Variants in MTA3 observed in about 807,000 individuals in gnomAD.
MTA3 encodes metastasis associated 1 family member 3, also known as metastasis-associated protein MTA3.
In MTA3, 34 loss-of-function variants were observed where a neutral mutation model predicts 83.5. That is an observed-to-expected ratio of 0.41 (90% CI 0.31 to 0.54). The LOEUF (loss-of-function observed/expected upper bound fraction) is 0.54. MTA3 is among the 20% of genes least tolerant of loss of function. The probability of loss-of-function intolerance (pLI) is 0.33; values close to 1 mark genes in which losing one functional copy is unlikely to be tolerated. For missense variants in MTA3, 761 were observed against 726.4 expected (o/e 1.05, Z -0.55); for synonymous variants, 303 against 252.7 (o/e 1.20, Z -1.89).
chr2:42,722,074 C>T (rs989888257), intron 15 of MTA3, among the ~76,000 whole-genome samples: 2 of 152,056 alleles, frequency 1.3e-5, no homozygotes, highest in Non-Finnish European at 2.9e-5. Flanking sequence ...GGCAGGGTGG[C>T]TTGTGTGTAG....
At chr2:42,720,304 T>C (rs770264170) in intron 15 of MTA3, among the ~76,000 whole-genome samples, 1 of 152,112 alleles carries the variant, frequency 6.6e-6, no homozygotes, top group Non-Finnish European at 1.5e-5. Flanking sequence ...TGCCTCAGCC[T>C]CCTGAGTAGG....
intron 4 of MTA3, among the ~76,000 whole-genome samples, chr2:42,635,881 A>G (rs1023687504): frequency 4.0e-5 from 6 of 151,732 alleles, no homozygotes; most frequent in African/African-American, 1.5e-4. Context: ...TTCTTGTGCC[A>G]CAGCCTCCGC....
At chr2:42,544,960 T>G (rs2103756364) in intron 2 of MTA3, among the ~76,000 whole-genome samples, 1 of 152,320 alleles carries the variant, frequency 6.6e-6, no homozygotes, top group East Asian at 1.9e-4. Context: ...TATCTGACCT[T>G]AAACAGCCCA....
chr2:42,722,786 C>G, intron 15 of MTA3, 103 bp from the exon 16 acceptor site: 1 of 1,350,192 alleles, frequency 7.4e-7, no homozygotes, highest in Non-Finnish European at 1.0e-6. Context: ...GGAACTGACT[C>G]TCAGCTCATT....
At chr2:42,681,779 G>A (rs1691942431) in intron 8 of MTA3, among the ~76,000 whole-genome samples, 1 of 152,014 alleles carries the variant, frequency 6.6e-6, no homozygotes, top group Non-Finnish European at 1.5e-5. Context: ...TCAAAGCGCT[G>A]GGATTACAGG....
intron 4 of MTA3, among the ~76,000 whole-genome samples, chr2:42,617,285 T>C (rs1685016116): frequency 6.6e-6 from 1 of 152,156 alleles, no homozygotes. Context: ...CAATTCTGCT[T>C]TTAGGACTTG....
At chr2:42,538,195 T>G (rs1371135154) in intron 2 of MTA3, among the ~76,000 whole-genome samples, 1 of 152,116 alleles carries the variant, frequency 6.6e-6, no homozygotes, top group South Asian at 2.1e-4. Context: ...ATCACGCCAC[T>G]GGACTCCAGC....
intron 2 of MTA3, among the ~76,000 whole-genome samples, chr2:42,570,742 G>T (rs530267492): frequency 2.0e-5 from 3 of 152,086 alleles, no homozygotes; most frequent in South Asian, 2.1e-4. Flanking sequence ...TGGGTGCGGT[G>T]GCTCATGCCT....
At chr2:42,534,108 G>A (rs1240379354) in intron 2 of MTA3, among the ~76,000 whole-genome samples, 2 of 152,056 alleles carry the variant, frequency 1.3e-5, no homozygotes, top group East Asian at 3.9e-4. Context: ...CTCAGAAGCA[G>A]CTGAAATGGA....
In MTA3 at chr2:42,644,244, G is replaced by A. The variant is rs1687954370; in HGVS notation, c.499G>A (p.Gly167Arg). 6.3e-7 allele frequency: 1 copy of A among 1,598,068 alleles called. No homozygotes were observed. The highest frequency in any genetic ancestry group is 8.5e-7 in the Non-Finnish European group (1 of 1,170,094). Residue 167 changes from glycine (G) to arginine (R), a missense_variant and splice_region_variant, in exon 6 of 17, where the codon GGA becomes AGA. Physicochemically the swap from Gly to Arg is moderately radical, Grantham distance 125. Coordinates refer to ENST00000405094, the MANE Select transcript of MTA3 (RefSeq NM_001330442.2). Reference sequence around the variant, plus strand: ...AGACATTCCAGAAATGCTGTTAGAAGGTACGTTTTTCTGCGTGTTTGCAGT... The same window carrying A: ...AGACATTCCAGAAATGCTGTTAGAAAGTACGTTTTTCTGCGTGTTTGCAGT... The part of the protein sequence containing the change: ...QADIPEMLLE[G>R]ESDEREQSKL...
At chr2:42,632,966 T>TTA (rs1553369142) in intron 4 of MTA3, among the ~76,000 whole-genome samples, 63 of 145,612 alleles carry the variant, frequency 4.3e-4, no homozygotes, top group African/African-American at 1.5e-3. Flanking sequence ...TACTCCTTTT[T>TTA]AAAAAAAAAA....
At chr2:42,640,701 A>G (rs1309317736) in intron 5 of MTA3, among the ~76,000 whole-genome samples, 1 of 152,208 alleles carries the variant, frequency 6.6e-6, no homozygotes, top group African/African-American at 2.4e-5. Flanking sequence ...TCAACAAGAA[A>G]TGTAGTTAAC....
At chr2:42,652,430 A>G (rs1034241515) in intron 6 of MTA3, among the ~76,000 whole-genome samples, 3 of 152,096 alleles carry the variant, frequency 2.0e-5, no homozygotes, top group African/African-American at 7.2e-5. Flanking sequence ...TGTTGTGTTT[A>G]TTGATCTCAG....
intron 5 of MTA3, among the ~76,000 whole-genome samples, chr2:42,641,019 G>A (rs771442664): frequency 1.3e-5 from 2 of 152,104 alleles, no homozygotes; most frequent in South Asian, 2.1e-4. Context: ...CAATTCTCAT[G>A]CTTCAGCCTC....
intron 8 of MTA3, among the ~76,000 whole-genome samples, chr2:42,677,130 A>T (rs1237587378): frequency 6.6e-6 from 1 of 152,186 alleles, no homozygotes; most frequent in Non-Finnish European, 1.5e-5. Flanking sequence ...ATAATCATAG[A>T]ACAATTATAA....
intron 2 of MTA3, among the ~76,000 whole-genome samples, chr2:42,559,433 C>T (rs1271035452): frequency 2.7e-5 from 4 of 148,524 alleles, no homozygotes; most frequent in East Asian, 2.0e-4. Flanking sequence ...ACCTGGGAGG[C>T]GGAGGCCGCA....
intron 8 of MTA3, among the ~76,000 whole-genome samples, chr2:42,664,856 G>A (rs919807904): frequency 7.2e-5 from 11 of 152,012 alleles, no homozygotes; most frequent in Admixed American, 2.0e-4. Flanking sequence ...CGATTTATCC[G>A]AGACAATTTA....
At chr2:42,731,312 A>G (rs1168559915) in intron 16 of MTA3, among the ~76,000 whole-genome samples, 3 of 152,130 alleles carry the variant, frequency 2.0e-5, no homozygotes, top group African/African-American at 7.2e-5. Context: ...AAGTATTTCT[A>G]ATTTTTTGAT....
intron 3 of MTA3, among the ~76,000 whole-genome samples, chr2:42,608,511 A>G (rs1683778259): frequency 6.6e-6 from 1 of 152,210 alleles, no homozygotes; most frequent in Non-Finnish European, 1.5e-5. Flanking sequence ...AGTAGAAAAG[A>G]TCTGATACTT....
Sources: allele counts gnomAD v4.1 joint callset (sites outside exome capture counted in the v4.1 genomes callset), GRCh38; gene constraint gnomAD v4.1.1; transcripts MANE v1.5; gene names NCBI Gene and HGNC (gene_info 2026-07-23, HGNC 2026-07-21).